The following PTPRD variants were observed in gnomAD, a reference collection of about 807,000 sequenced individuals.
PTPRD encodes the protein protein tyrosine phosphatase receptor type D.
Under a neutral mutation model 214.5 loss-of-function variants are expected in PTPRD, and 34 were observed. The ratio of observed to expected loss-of-function variants is 0.16; its 90% CI spans 0.12 to 0.21. The LOEUF (loss-of-function observed/expected upper bound fraction) is 0.21, where lower values mean the gene tolerates loss of function less well. Among genes scored for constraint, PTPRD ranks in the 10% least tolerant of loss-of-function variants. The pLI, the probability that PTPRD is intolerant of heterozygous loss-of-function variation, is 1.00. For synonymous variants in PTPRD, 1,128 were observed against 845.7 expected, an observed-to-expected ratio of 1.33 and a Z score of -5.79; for missense variants, 2,545 against 2,398.7, an observed-to-expected ratio of 1.06 and a Z score of -1.27.
chr9:9,956,461 A>G (rs2093940387), intron 4 of PTPRD, among the ~76,000 whole-genome samples: 2 of 152,118 alleles, frequency 1.3e-5, no homozygotes, highest in Admixed American at 1.3e-4. Flanking sequence ...ATTGTTTTTA[A>G]TATGTGCCTG....
chr9:9,753,474 T>C (rs1476227380), intron 6 of PTPRD, among the ~76,000 whole-genome samples: 1 of 152,070 alleles, frequency 6.6e-6, no homozygotes, highest in Non-Finnish European at 1.5e-5. Context: ...AAGGCTAATG[T>C]GGGGAGTGAC....
intron 7 of PTPRD, among the ~76,000 whole-genome samples, chr9:9,676,797 GA>G (rs2096940272): frequency 6.6e-6 from 1 of 152,050 alleles, no homozygotes; most frequent in Admixed American, 6.6e-5. Context: ...GTTGTTTCCT[GA>G]CTTTTTAATG....
rs763662585 is a variant in PTPRD at position 8,616,591 on chromosome 9, A to C, written c.352+16726T>G. The stretch of plus-strand genomic sequence containing the variant: ...GGTTAACAGAATTTTTAATGATGAC[A>C]AATGTGAGAAACATTCACTATTTCT... On this transcript the variant is annotated intron_variant, in intron 14 of 45. Coordinates refer to ENST00000381196, the MANE Select transcript of PTPRD (RefSeq NM_002839.4). Among the ~76,000 whole-genome samples the C allele has an allele frequency of 4.8e-4, 73 of 152,280 alleles. 1 individual carries two copies. Among genetic ancestry groups the C allele is most frequent in the Non-Finnish European group, 9.1e-4 (62 of 68,014 alleles).
At chr9:9,210,178 G>C (rs188086292) in intron 9 of PTPRD, among the ~76,000 whole-genome samples, 15 of 152,230 alleles carry the variant, frequency 9.9e-5, no homozygotes, top group African/African-American at 3.6e-4. Flanking sequence ...GTCTGGAAAA[G>C]AGAGCCAGCA....
At position 8,457,102 on chromosome 9, in the gene PTPRD, A is replaced by G. The variant is rs575491697; in HGVS notation, c.3875+3309T>C. ...TACCAATACTATTATCTGGTGTTTA[A>G]TGTTTTCAGATTATAGCGCATTATG... On this transcript the variant is annotated intron_variant, in intron 33 of 45. Coordinates refer to ENST00000381196, the MANE Select transcript of PTPRD (RefSeq NM_002839.4). Among the ~76,000 whole-genome samples the G allele has an allele frequency of 1.4e-4, 22 of 152,240 alleles. No homozygotes were observed. The South Asian group carries it at 4.6e-3, about 32-fold the overall frequency.
chr9:9,188,755 G>C (rs1047847877), intron 9 of PTPRD, among the ~76,000 whole-genome samples: 3 of 151,896 alleles, frequency 2.0e-5, no homozygotes, highest in Non-Finnish European at 2.9e-5. Flanking sequence ...GGTATTCTGT[G>C]GAATTATGAG....
At chr9:8,590,857 A>G (rs2094042218) in intron 14 of PTPRD, among the ~76,000 whole-genome samples, 1 of 152,196 alleles carries the variant, frequency 6.6e-6, no homozygotes, top group East Asian at 1.9e-4. Context: ...GGCTTAAAAC[A>G]AAAACATTTA....
intron 11 of PTPRD, among the ~76,000 whole-genome samples, chr9:8,854,900 CCTT>C (rs1410456075): frequency 6.6e-6 from 1 of 152,096 alleles, no homozygotes; most frequent in South Asian, 2.1e-4. Context: ...TATTAATGTT[CCTT>C]CTTGTTTATC....
At chr9:8,774,153 G>A (rs1473346100) in intron 11 of PTPRD, among the ~76,000 whole-genome samples, 2 of 152,058 alleles carry the variant, frequency 1.3e-5, no homozygotes, top group Non-Finnish European at 2.9e-5. Flanking sequence ...GATAATACAG[G>A]GTGTCAAAAA....
intron 7 of PTPRD, among the ~76,000 whole-genome samples, chr9:9,706,324 A>ACATTGATT (rs1270726191): frequency 6.6e-6 from 1 of 152,182 alleles, no homozygotes; most frequent in African/African-American, 2.4e-5. Flanking sequence ...TTTCATACGT[A>ACATTGATT]CATTGATTTA....
intron 2 of PTPRD, among the ~76,000 whole-genome samples, chr9:10,487,594 A>C (rs1241029097): frequency 6.6e-6 from 1 of 152,158 alleles, no homozygotes; most frequent in African/African-American, 2.4e-5. Flanking sequence ...ACGAATATAG[A>C]CACAGGAAGA....
At chr9:9,961,085 T>A (rs935110305) in intron 4 of PTPRD, among the ~76,000 whole-genome samples, 2 of 150,148 alleles carry the variant, frequency 1.3e-5, no homozygotes, top group Non-Finnish European at 3.0e-5. Context: ...GGACACCATA[T>A]CTCCTTTCAA....
At chr9:10,420,373 C>T (rs1307655102) in intron 2 of PTPRD, among the ~76,000 whole-genome samples, 3 of 151,790 alleles carry the variant, frequency 2.0e-5, no homozygotes, top group African/African-American at 7.3e-5. Flanking sequence ...AACAATTCTC[C>T]AAATCCTTTC....
rs1175707331 is a variant in PTPRD, at chr9:8,435,668, C to A, written c.4086+924G>T. Among the ~76,000 whole-genome samples the A allele has an allele frequency of 4.6e-5, 7 of 151,238 alleles. No homozygotes were observed. The East Asian group carries it at 1.4e-3, about 30-fold the overall frequency. ...ATACCAGAAATACCCAGTTTTATAA[C>A]TTTTTGATTGATATATACCACAATA... On this transcript the variant is annotated intron_variant, in intron 35 of 45. Transcript: ENST00000381196.
intron 11 of PTPRD, among the ~76,000 whole-genome samples, chr9:8,902,383 C>T (rs1365728716): frequency 6.7e-6 from 1 of 149,014 alleles, no homozygotes; most frequent in Non-Finnish European, 1.5e-5. Flanking sequence ...TACTCTGTTG[C>T]CCAGGCTGGA....
chr9:10,417,529 T>G (rs1385569641), intron 2 of PTPRD, among the ~76,000 whole-genome samples: 1 of 151,898 alleles, frequency 6.6e-6, no homozygotes, highest in African/African-American at 2.4e-5. Flanking sequence ...ATTTGCACAT[T>G]TTAGCTTAAA....
intron 2 of PTPRD, among the ~76,000 whole-genome samples, chr9:10,380,727 A>T (rs1236312081): frequency 9.9e-5 from 15 of 152,012 alleles, no homozygotes; most frequent in South Asian, 2.1e-4. Flanking sequence ...TATGAACATA[A>T]CCATAGAAAA....
chr9:8,526,374 TTTCTTTGAAGCA>T (rs1324499821), intron 17 of PTPRD, among the ~76,000 whole-genome samples: 1 of 151,820 alleles, frequency 6.6e-6, no homozygotes, highest in East Asian at 1.9e-4. Flanking sequence ...CTGGATATGC[TTTCTTTGAAGCA>T]TATCACAACT....
At chr9:10,027,640 C>T (rs556404768) in intron 4 of PTPRD, among the ~76,000 whole-genome samples, 1 of 152,018 alleles carries the variant, frequency 6.6e-6, no homozygotes, top group South Asian at 2.1e-4. Context: ...TTTATACTGC[C>T]TATTGAAAAA....
Sources: allele counts gnomAD v4.1 joint callset (sites outside exome capture counted in the v4.1 genomes callset), GRCh38; gene constraint gnomAD v4.1.1; transcripts MANE v1.5; gene names NCBI Gene and HGNC (gene_info 2026-07-23, HGNC 2026-07-21).